The following TENM3 variants were observed in gnomAD, a reference collection of about 807,000 sequenced individuals.
TENM3 encodes teneurin-3.
A neutral mutation model predicts 255.1 loss-of-function variants in TENM3; 63 were observed. The ratio of observed to expected loss-of-function variants is 0.25; its 90% CI spans 0.20 to 0.30. TENM3 has a LOEUF of 0.30. Among genes scored for constraint, TENM3 ranks in the 10% least tolerant of loss-of-function variants. TENM3 has a pLI of 1.00. For missense variants in TENM3, 2,929 were observed against 3,461.1 expected, an observed-to-expected ratio of 0.85 and a Z score of 3.86; for synonymous variants, 1,306 against 1,322.3, an observed-to-expected ratio of 0.99 and a Z score of 0.27.
intron 3 of TENM3, among the ~76,000 whole-genome samples, chr4:182,553,977 A>G (rs73872430): frequency 0.031 from 4,759 of 152,184 alleles, 155 homozygotes; most frequent in African/African-American, 0.083. Flanking sequence ...TCAGTAATAT[A>G]CTTAGGAAGG....
At chr4:181,501,823 G>A in the TENM3 span, among the ~76,000 whole-genome samples, 2 of 152,326 alleles carry the variant, frequency 1.3e-5, no homozygotes, top group East Asian at 1.9e-4. Flanking sequence ...TGAATTCAAT[G>A]ATTTCAAGTC....
At chr4:182,275,574 G>T (rs1168850115) in intron 1 of TENM3, among the ~76,000 whole-genome samples, 5 of 152,100 alleles carry the variant, frequency 3.3e-5, no homozygotes, top group Admixed American at 3.3e-4. Flanking sequence ...GTATTTTGCT[G>T]GGGTAATGGA....
At chr4:182,406,171 G>C (rs1769558575) in intron 3 of TENM3, among the ~76,000 whole-genome samples, 1 of 152,100 alleles carries the variant, frequency 6.6e-6, no homozygotes, top group African/African-American at 2.4e-5. Flanking sequence ...TGCATGTGGT[G>C]GTGGGTGCCT....
the TENM3 span, among the ~76,000 whole-genome samples, chr4:181,856,233 C>A: frequency 6.6e-6 from 1 of 151,690 alleles, no homozygotes; most frequent in Non-Finnish European, 1.5e-5. Flanking sequence ...TACAGTTACC[C>A]CTACCTCAAT....
At chr4:182,231,371 A>G (rs1561222252) in intron 1 of TENM3, among the ~76,000 whole-genome samples, 1 of 152,132 alleles carries the variant, frequency 6.6e-6, no homozygotes, top group South Asian at 2.1e-4. Flanking sequence ...AACAAAAAAA[A>G]GGAACGCGTA....
the TENM3 span, among the ~76,000 whole-genome samples, chr4:181,599,694 T>G: frequency 2.0e-5 from 3 of 152,282 alleles, no homozygotes; most frequent in East Asian, 5.8e-4. Context: ...AAGATCAGAT[T>G]TAGGAGTGAA....
intron 12 of TENM3, chr4:182,697,777 A>G (rs1757540583): frequency 6.6e-6 from 1 of 152,184 alleles, no homozygotes; most frequent in Non-Finnish European, 1.5e-5. Flanking sequence ...TAATCCCCTC[A>G]GACTTGTAAT....
intron 3 of TENM3, among the ~76,000 whole-genome samples, chr4:182,495,093 T>G (rs1437240354): frequency 6.6e-6 from 1 of 152,136 alleles, no homozygotes; most frequent in African/African-American, 2.4e-5. Context: ...TGACAAGCCT[T>G]TTGCCTGTCA....
chr4:182,189,677 G>A (rs918713771), intron 1 of TENM3, among the ~76,000 whole-genome samples: 5 of 152,140 alleles, frequency 3.3e-5, no homozygotes, highest in African/African-American at 9.7e-5. Flanking sequence ...CCAAAAGGGT[G>A]TGGACTGCAG....
In TENM3 at chr4:182,785,099, CAG is replaced by C. The variant is rs555965804; in HGVS notation, c.5305-3993_5305-3992del. 5.4e-3 allele frequency among the ~76,000 whole-genome samples: 813 copies of C among 151,910 alleles called. 6 individuals carry two copies. The highest frequency in any genetic ancestry group is 0.014 in the Middle Eastern group (4 of 294). On this transcript the variant is annotated intron_variant, in intron 24 of 27. Transcript: ENST00000511685. Reference sequence around the variant, plus strand: ...CTCCCCCATATTTTTTTTCTTGAGACAGGGTCTTGCTGGGACGCCCAGGCTGG... The same window carrying C: ...CTCCCCCATATTTTTTTTCTTGAGACGGTCTTGCTGGGACGCCCAGGCTGG...
chr4:182,719,929 C>T (rs1246640519), intron 13 of TENM3, among the ~76,000 whole-genome samples: 2 of 151,954 alleles, frequency 1.3e-5, no homozygotes. Flanking sequence ...GGCGTGGTGG[C>T]ACACGCCTGT....
chr4:181,756,294 A>T, the TENM3 span, among the ~76,000 whole-genome samples: 1 of 152,146 alleles, frequency 6.6e-6, no homozygotes, highest in Non-Finnish European at 1.5e-5. Context: ...AAAAAAAGCA[A>T]CTTAAACTTA....
chr4:181,632,222 G>C, the TENM3 span, among the ~76,000 whole-genome samples: 2 of 152,192 alleles, frequency 1.3e-5, no homozygotes. Context: ...GCAGGAGAGA[G>C]AGAGTGGAGT....
the TENM3 span, among the ~76,000 whole-genome samples, chr4:182,053,160 C>A: frequency 5.9e-5 from 9 of 151,972 alleles, no homozygotes; most frequent in Non-Finnish European, 1.2e-4. Flanking sequence ...TGCAATACTC[C>A]CAGGCTATCT....
chr4:182,619,511 A>G (rs1165425727), intron 4 of TENM3, among the ~76,000 whole-genome samples: 1 of 152,186 alleles, frequency 6.6e-6, no homozygotes, highest in East Asian at 1.9e-4. Context: ...ACAAAGAAAC[A>G]AACCTTTCAA....
Position 182,310,990 on chromosome 4 carries a change from G to A in TENM3, c.-75-12956G>A, listed in dbSNP as rs150213302. On this transcript the variant is annotated intron_variant, in intron 1 of 27. Coordinates refer to ENST00000511685, the MANE Select transcript of TENM3 (RefSeq NM_001080477.4). ...CTCCCAAAGTACTGGGATTACAGGC[G>A]TGAGCCACTGTGCCTGGCCCACAAA... 4.4e-4 allele frequency among the ~76,000 whole-genome samples: 67 copies of A among 152,288 alleles called. 1 individual carries two copies. The highest frequency in any genetic ancestry group is 1.4e-3 in the African/African-American group (59 of 41,584).
At position 182,346,068 on chromosome 4, in the gene TENM3, TATACATAC is replaced by T. The variant is rs60234584; in HGVS notation, c.233-549_233-542del. ...TACACCCACCCCACACACACACATA[TATACATAC>T]ATACATACATACATACATACATACA... On this transcript the variant is annotated intron_variant, in intron 2 of 27. Coordinates refer to ENST00000511685, the MANE Select transcript of TENM3 (RefSeq NM_001080477.4). 2.3e-3 allele frequency among the ~76,000 whole-genome samples: 344 copies of T among 149,360 alleles called. 2 individuals carry two copies. Among genetic ancestry groups the T allele is most frequent in the African/African-American group, 6.4e-3 (259 of 40,610 alleles).
At chr4:181,638,536 A>G in the TENM3 span, among the ~76,000 whole-genome samples, 2 of 152,206 alleles carry the variant, frequency 1.3e-5, no homozygotes, top group Non-Finnish European at 2.9e-5. Flanking sequence ...AGAGGTTGAA[A>G]TCCTGAAGTC....
intron 3 of TENM3, among the ~76,000 whole-genome samples, chr4:182,371,216 A>G (rs1381303508): frequency 7.7e-6 from 1 of 129,340 alleles, no homozygotes; most frequent in East Asian, 2.2e-4. Context: ...GGCCTCAAAA[A>G]TTCTCCTCCC....
Sources: gnomAD v4.1 joint callset for allele counts (sites outside exome capture counted in the v4.1 genomes callset) on GRCh38, gnomAD v4.1.1 for gene constraint, MANE v1.5 for transcripts, NCBI Gene and HGNC (gene_info 2026-07-23, HGNC 2026-07-21) for gene names.